MTIF2: variants seen among roughly 807,000 people sequenced by gnomAD.
MTIF2 encodes the protein translation initiation factor IF-2, mitochondrial.
A neutral mutation model predicts 83.5 loss-of-function variants in MTIF2; 71 were observed. The ratio of observed to expected loss-of-function variants is 0.85; its 90% CI spans 0.70 to 1.04. The LOEUF is 1.04. Among genes scored for constraint, MTIF2 ranks in the 50% least tolerant of loss-of-function variants. The pLI, the probability that MTIF2 is intolerant of heterozygous loss-of-function variation, is 0.00. For synonymous variants in MTIF2, 319 were observed against 287.1 expected (o/e 1.11, Z -1.12); for missense variants, 957 against 846.5 (o/e 1.13, Z -1.62).
intron 8 of MTIF2, among the ~76,000 whole-genome samples, chr2:55,251,177 C>T (rs1677069396): frequency 6.6e-6 from 1 of 150,956 alleles, no homozygotes; most frequent in African/African-American, 2.4e-5. Flanking sequence ...GGAACTTAAC[C>T]GGTACCAAGA....
At chr2:55,264,548 C>G (rs1392803374) in intron 3 of MTIF2, among the ~76,000 whole-genome samples, 6 of 152,046 alleles carry the variant, frequency 3.9e-5, no homozygotes, top group African/African-American at 1.4e-4. Context: ...TTATTTCTTA[C>G]ACTCTTAGAG....
chr2:55,261,038 G>A (rs753774429), intron 5 of MTIF2, among the ~76,000 whole-genome samples: 13 of 151,616 alleles, frequency 8.6e-5, no homozygotes, highest in African/African-American at 2.7e-4. Context: ...CCAGGGTAGA[G>A]TGCAGTGGCG....
intron 5 of MTIF2, among the ~76,000 whole-genome samples, chr2:55,259,979 T>C (rs1677837165): frequency 6.6e-6 from 1 of 152,150 alleles, no homozygotes; most frequent in Non-Finnish European, 1.5e-5. Context: ...CTATTATCAA[T>C]ACTATTTATA....
intron 4 of MTIF2, among the ~76,000 whole-genome samples, chr2:55,263,325 G>A (rs2104465545): frequency 6.6e-6 from 1 of 152,264 alleles, no homozygotes; most frequent in African/African-American, 2.4e-5. Context: ...AAGCTCTATT[G>A]CTTGGAGTAA....
intron 7 of MTIF2, among the ~76,000 whole-genome samples, chr2:55,253,411 G>T (rs556345353): frequency 6.6e-6 from 1 of 152,172 alleles, no homozygotes; most frequent in Non-Finnish European, 1.5e-5. Context: ...AGGCGCGGTG[G>T]CTCACACCTG....
Position 55,243,709 on chromosome 2 carries a change from C to G in MTIF2, c.1312-41G>C, listed in dbSNP as rs142100637. On this transcript the variant is annotated intron_variant, in intron 11 of 15. Transcript: ENST00000263629. ...ACGTATTATTTAATGAAATAGACAT[C>G]AATAACTGCTAGATTAAAGCCTTTG... 624 of 1,590,636 alleles carry G rather than the reference C, an allele frequency of 3.9e-4. 2 individuals are homozygous for G. The African/African-American group carries it at 7.7e-3, about 20-fold the overall frequency.
intron 9 of MTIF2, among the ~76,000 whole-genome samples, chr2:55,247,430 G>A (rs1441829857): frequency 6.6e-6 from 1 of 152,110 alleles, no homozygotes; most frequent in Non-Finnish European, 1.5e-5. Flanking sequence ...GCACGTGCCT[G>A]TAATCCCAGC....
Position 55,249,425 on chromosome 2 carries a change from A to C in MTIF2, c.951T>G (p.Asp317Glu). The change falls in exon 9 of 16, where the codon GAT becomes GAG. Residue 317 changes from aspartate to glutamate, a missense_variant. Physicochemically the swap from Asp to Glu is conservative, Grantham distance 45. This residue lies in a region of MTIF2 where 733 missense variants were observed against 648.7 expected (regional missense o/e 1.13). Coordinates refer to ENST00000263629, the MANE Select transcript of MTIF2 (RefSeq NM_002453.3). Reference sequence around the variant, plus strand: ...GTGCGGAGACAGGCACTGCTTGAACATCACCTCCATAATCTTCACATACCA... The same window carrying C: ...GTGCGGAGACAGGCACTGCTTGAACCTCACCTCCATAATCTTCACATACCA... Reference protein sequence around the residue: ...YDVVCEDYGGDVQAVPVSALT... With the variant: ...YDVVCEDYGGEVQAVPVSALT... The C allele has an allele frequency of 1.2e-6, 2 of 1,614,198 alleles. No homozygotes were observed. Among genetic ancestry groups the C allele is most frequent in the South Asian group, 2.2e-5 (2 of 91,086 alleles).
rs1470214589 is a variant in MTIF2 at position 55,243,590 on chromosome 2, C to G, written c.1390G>C (p.Glu464Gln). The G allele has an allele frequency of 6.2e-7, 1 of 1,614,042 alleles. No individual in the cohort carries two copies. The stretch of plus-strand genomic sequence containing the variant: ...TCTTTGTGTTCCTTTCGCTTTTCTT[C>G]TATTATTTTCAGATCCTCCTGACCT... ...EKGQEDLKII[E>Q]EKRKEHKEAH... Residue 464 changes from glutamate to glutamine, a missense_variant, in exon 12 of 16, where the codon GAA becomes CAA. This residue lies in a region of MTIF2 where 733 missense variants were observed against 648.7 expected (regional missense o/e 1.13). Coordinates refer to ENST00000263629, the MANE Select transcript of MTIF2 (RefSeq NM_002453.3).
chr2:55,268,309 T>G (rs1678587988), intron 2 of MTIF2, among the ~76,000 whole-genome samples: 1 of 152,156 alleles, frequency 6.6e-6, no homozygotes, highest in Admixed American at 6.6e-5. Context: ...CATTAAATAC[T>G]TCTAAGAATG....
intron 9 of MTIF2, 86 bp from the exon 10 acceptor site, chr2:55,246,547 T>C (rs1051658242): frequency 1.9e-6 from 2 of 1,049,146 alleles, no homozygotes; most frequent in Non-Finnish European, 2.8e-6. Flanking sequence ...CACATAATAC[T>C]TGCAAGTTAT....
At chr2:55,237,521 T>C (rs1675942970) in intron 14 of MTIF2, 93 bp from the exon 15 acceptor site, 2 of 1,265,090 alleles carry the variant, frequency 1.6e-6, no homozygotes, top group Admixed American at 3.1e-5. Flanking sequence ...ATTAAAGGTA[T>C]GACAAAAATC....
Position 55,249,499 on chromosome 2 carries a change from C to G in MTIF2, c.877G>C (p.Ala293Pro). Residue 293 changes from alanine to proline, a missense_variant, in exon 9 of 16, where the codon GCT (alanine) becomes CCT (proline). Physicochemically the swap from Ala to Pro is conservative, Grantham distance 27. Coordinates refer to ENST00000263629, the MANE Select transcript of MTIF2 (RefSeq NM_002453.3). Reference sequence around the variant, plus strand: ...TTCACTTTCTCAGGATCAGCCTCAGCTTTGTCACATTTATTTACGGCAAGG... The same window carrying G: ...TTCACTTTCTCAGGATCAGCCTCAGGTTTGTCACATTTATTTACGGCAAGG... ...IILAVNKCDKAEADPEKVKKE... is the reference protein window; with the variant it reads ...IILAVNKCDKPEADPEKVKKE... The G allele has an allele frequency of 6.2e-7, 1 of 1,614,096 alleles. No individual in the cohort carries two copies. The highest frequency in any genetic ancestry group is 8.5e-7 in the Non-Finnish European group (1 of 1,180,020).
chr2:55,244,563 A>T (rs1160310497), intron 10 of MTIF2, among the ~76,000 whole-genome samples: 5 of 152,250 alleles, frequency 3.3e-5, no homozygotes, highest in Admixed American at 6.5e-5. Flanking sequence ...ACAAATGGAC[A>T]TTTCTTCCAA....
chr2:55,237,590 C>A (rs1260984147), intron 14 of MTIF2, among the ~76,000 whole-genome samples, 162 bp from the exon 15 acceptor site: 6 of 151,362 alleles, frequency 4.0e-5, no homozygotes, highest in African/African-American at 1.5e-4. Context: ...TTTTCCTGAC[C>A]AATATTAAGA....
intron 13 of MTIF2, among the ~76,000 whole-genome samples, chr2:55,241,555 C>A (rs1676311291): frequency 6.7e-6 from 1 of 150,012 alleles, no homozygotes; most frequent in South Asian, 2.1e-4. Context: ...ATTAAGAAGC[C>A]ATTCAGGCCG....
chr2:55,246,149 TACTGATAATA>T (rs1295139442), intron 10 of MTIF2, among the ~76,000 whole-genome samples, 178 bp downstream of exon 10: 1 of 152,260 alleles, frequency 6.6e-6, no homozygotes, highest in East Asian at 1.9e-4. Flanking sequence ...TGCTATGGTC[TACTGATAATA>T]ACTGCATTTT....
chr2:55,254,759 A>G lies in MTIF2; in HGVS notation c.398T>C (p.Leu133Ser). The change falls in exon 6 of 16, where the codon TTA (leucine) becomes TCA (serine). Residue 133 changes from leucine to serine, a missense_variant. Physicochemically the swap from Leu to Ser is moderately radical, Grantham distance 145 (BLOSUM62 -2). Around this residue, in one of 3 missense-constraint regions of MTIF2, gnomAD observed 733 missense variants for 648.7 expected, o/e 1.13. Transcript: ENST00000263629. ...DIDSLEADSH[L>S]DEVWIKEVIT... ...CACTTCTTTGATCCAGACTTCATCT[A>G]AATGTGAGTCTGCTTCCAGTGAATC... 2 of 1,610,236 alleles carry G rather than the reference A, an allele frequency of 1.2e-6. No homozygotes were observed. The highest frequency in any genetic ancestry group is 1.7e-6 in the Non-Finnish European group (2 of 1,178,130).
chr2:55,237,685 CTG>C (rs1214936104), intron 14 of MTIF2, among the ~76,000 whole-genome samples: 3 of 118,304 alleles, frequency 2.5e-5, no homozygotes, highest in African/African-American at 9.8e-5. Context: ...GAGTCTCACT[CTG>C]TCATCCAGGC....
Sources: gnomAD v4.1 joint callset for allele counts (sites outside exome capture counted in the v4.1 genomes callset) on GRCh38, gnomAD v4.1.1 for gene constraint, gnomAD v4.1.1 regional missense constraint, MANE v1.5 for transcripts, NCBI Gene and HGNC (gene_info 2026-07-23, HGNC 2026-07-21) for gene names.